FBXL20: variants seen among roughly 807,000 people sequenced by gnomAD.
FBXL20 encodes F-box and leucine rich repeat protein 20, also known as F-box/LRR-repeat protein 20.
FBXL20 carries 11 observed loss-of-function variants against 64.0 expected under a neutral mutation model. The ratio of observed to expected loss-of-function variants is 0.17; its 90% confidence interval spans 0.11 to 0.28. The LOEUF is 0.28. Ranked by LOEUF, FBXL20 falls within the 10% of genes least tolerant of loss-of-function variation. The pLI is 1.00. For synonymous variants in FBXL20, 184 were observed against 189.0 expected (o/e 0.97, Z 0.22); for missense variants, 303 against 526.2 (o/e 0.58, Z 4.15).
rs546579320 is a variant in FBXL20 at position 39,328,783 on chromosome 17, T to C, written c.104+14397A>G. Among the ~76,000 whole-genome samples the C allele has an allele frequency of 1.1e-3, 168 of 152,342 alleles. 1 individual carries two copies. Among genetic ancestry groups the C allele is most frequent in the African/African-American group, 3.9e-3 (164 of 41,576 alleles). ...TTTACAATGTCATGGCTAGGCACAG[T>C]TGCTCATGACTCTAATTCCAGTGAT... is the stretch of plus-strand genomic sequence containing the variant. On this transcript the variant is annotated intron_variant, in intron 2 of 14. Transcript: ENST00000264658.
At chr17:39,317,095 T>A (rs1215014956) in intron 2 of FBXL20, among the ~76,000 whole-genome samples, 1 of 152,210 alleles carries the variant, frequency 6.6e-6, no homozygotes, top group Non-Finnish European at 1.5e-5. Flanking sequence ...GTAATTTAAT[T>A]TCCTGATTAA....
At chr17:39,304,205 C>A (rs2047161519) in intron 2 of FBXL20, among the ~76,000 whole-genome samples, 1 of 151,860 alleles carries the variant, frequency 6.6e-6, no homozygotes, top group African/African-American at 2.4e-5. Context: ...AATAAATAAT[C>A]TCTAGCTGGT....
chr17:39,301,131 C>G, intron 3 of FBXL20, 56 bp from the exon 4 acceptor site: 1 of 1,509,806 alleles, frequency 6.6e-7, no homozygotes, highest in Non-Finnish European at 9.1e-7. Flanking sequence ...GGGGAAAAGG[C>G]AGCAATATTC....
intron 6 of FBXL20, among the ~76,000 whole-genome samples, chr17:39,295,784 G>GAGATATATATATATATATATATATAT (rs758714135): frequency 9.5e-5 from 13 of 137,054 alleles, no homozygotes; most frequent in Non-Finnish European, 1.8e-4. Flanking sequence ...CAAATATGGA[G>GAGATATATATATATATATATATATAT]ATATATATAT....
intron 7 of FBXL20, among the ~76,000 whole-genome samples, chr17:39,284,186 A>C (rs588193): frequency 0.38 from 57,976 of 152,084 alleles, 14,236 homozygotes; most frequent in African/African-American, 0.7. Flanking sequence ...CTGTAAAATG[A>C]CCATCCACTC....
chr17:39,338,138 C>T (rs1277648528), intron 2 of FBXL20, among the ~76,000 whole-genome samples: 7 of 152,182 alleles, frequency 4.6e-5, no homozygotes, highest in East Asian at 1.9e-4. Flanking sequence ...GGATGGTTGC[C>T]GTGTCTGTGT....
chr17:39,399,278 T>C (rs917741875), intron 1 of FBXL20, among the ~76,000 whole-genome samples: 7 of 152,232 alleles, frequency 4.6e-5, no homozygotes, highest in Admixed American at 1.3e-4. Context: ...GACTGTAATC[T>C]TGAGGATTTA....
chr17:39,327,478 A>G (rs1008978934), intron 2 of FBXL20, among the ~76,000 whole-genome samples: 4 of 152,124 alleles, frequency 2.6e-5, no homozygotes, highest in Non-Finnish European at 5.9e-5. Flanking sequence ...AATAAACTAG[A>G]TATTATTGGA....
chr17:39,363,837 AAAAAAAAACAAT>A (rs2047828031), intron 1 of FBXL20, among the ~76,000 whole-genome samples: 1 of 148,130 alleles, frequency 6.8e-6, no homozygotes, highest in Non-Finnish European at 1.5e-5. Context: ...CAAAAAACAA[AAAAAAAAACAAT>A]AAAAAGTAAG....
At chr17:39,305,821 A>C (rs2047176717) in intron 2 of FBXL20, among the ~76,000 whole-genome samples, 1 of 152,022 alleles carries the variant, frequency 6.6e-6, no homozygotes, top group African/African-American at 2.4e-5. Context: ...CCCCGTTTCT[A>C]CTAAAAATAC....
At chr17:39,380,873 T>C (rs2048015363) in intron 1 of FBXL20, among the ~76,000 whole-genome samples, 1 of 152,060 alleles carries the variant, frequency 6.6e-6, no homozygotes, top group African/African-American at 2.4e-5. Context: ...GAAATAAAAC[T>C]AGCAGGCCGG....
chr17:39,395,945 C>T (rs907159462), intron 1 of FBXL20, among the ~76,000 whole-genome samples: 3 of 150,888 alleles, frequency 2.0e-5, no homozygotes, highest in Admixed American at 6.6e-5. Flanking sequence ...CAACTCATCC[C>T]GGAGGCATGA....
intron 1 of FBXL20, among the ~76,000 whole-genome samples, chr17:39,386,049 C>T (rs2048076343): frequency 7.3e-6 from 1 of 137,240 alleles, no homozygotes; most frequent in Non-Finnish European, 1.5e-5. Context: ...AAAAAAACAC[C>T]AACTAATCAG....
chr17:39,278,802 C>T (rs1025250738), intron 9 of FBXL20, among the ~76,000 whole-genome samples: 26 of 150,110 alleles, frequency 1.7e-4, no homozygotes, highest in African/African-American at 6.4e-4. Context: ...GTCTCGGCCT[C>T]CCAAAGTGTT....
chr17:39,355,418 G>A (rs2047726313), intron 1 of FBXL20, among the ~76,000 whole-genome samples: 1 of 152,002 alleles, frequency 6.6e-6, no homozygotes, highest in Non-Finnish European at 1.5e-5. Context: ...TAAATGATTT[G>A]ATTATTTGAT....
intron 1 of FBXL20, among the ~76,000 whole-genome samples, chr17:39,395,480 A>G (rs1199619326): frequency 6.6e-6 from 1 of 152,212 alleles, no homozygotes; most frequent in East Asian, 1.9e-4. Flanking sequence ...AGAAACATCA[A>G]CAACACTATT....
At chr17:39,348,552 A>C (rs1309824094) in intron 1 of FBXL20, among the ~76,000 whole-genome samples, 1 of 152,148 alleles carries the variant, frequency 6.6e-6, no homozygotes, top group African/African-American at 2.4e-5. Flanking sequence ...TCAGCCTTCC[A>C]AAGTGTTGGG....
At chr17:39,309,441 A>G (rs896975339) in intron 2 of FBXL20, among the ~76,000 whole-genome samples, 1 of 152,192 alleles carries the variant, frequency 6.6e-6, no homozygotes, top group African/African-American at 2.4e-5. Flanking sequence ...TTATACTTCT[A>G]TACATGCTGA....
chr17:39,398,829 C>G lies in FBXL20; in HGVS notation c.42+2532G>C, dbSNP rs942116183. The stretch of plus-strand genomic sequence containing the variant: ...AGCTGGAATTACAGGTGCCCACTAC[C>G]ACGCCCGGCTAATTTTTGTATTTTT... On this transcript the variant is annotated intron_variant, in intron 1 of 14. Transcript: ENST00000264658. 3.3e-5 allele frequency among the ~76,000 whole-genome samples: 5 copies of G among 152,136 alleles called. No homozygotes were observed. In the East Asian group the frequency reaches 9.6e-4, roughly 29 times the overall value.
Sources: allele counts gnomAD v4.1 joint callset (sites outside exome capture counted in the v4.1 genomes callset), GRCh38; gene constraint gnomAD v4.1.1; transcripts MANE v1.5; gene names NCBI Gene and HGNC (gene_info 2026-07-23, HGNC 2026-07-21).